The following TFPI variants were observed in gnomAD, a reference collection of about 807,000 sequenced individuals.
The protein encoded by TFPI is anti-convertin.
TFPI carries 15 observed loss-of-function variants against 34.6 expected under a neutral mutation model. The observed-to-expected ratio is 0.43, with a 90% confidence interval of 0.29 to 0.67. The LOEUF (loss-of-function observed/expected upper bound fraction) is 0.67, where lower values mean the gene tolerates loss of function less well. TFPI is among the 30% of genes least tolerant of loss of function. TFPI has a pLI of 0.15. For synonymous variants in TFPI, 105 were observed against 120.1 expected, an observed-to-expected ratio of 0.87 and a Z score of 0.82; for missense variants, 301 against 364.0, an observed-to-expected ratio of 0.83 and a Z score of 1.41.
intron 1 of TFPI, among the ~76,000 whole-genome samples, chr2:187,506,371 A>G (rs966510014): frequency 1.3e-5 from 2 of 152,138 alleles, no homozygotes; most frequent in African/African-American, 4.8e-5. Context: ...AATAGAGAAG[A>G]ATGTACAGAG....
intron 1 of TFPI, 110 bp downstream of exon 1, chr2:187,554,090 A>C (rs1689188173): frequency 6.6e-6 from 1 of 152,224 alleles, no homozygotes. Flanking sequence ...GCAAATAAAC[A>C]GTGATCCTCC....
rs1259402612 is a variant in TFPI at position 187,524,521 on chromosome 2, C to T, written c.-2-20751G>A. On this transcript the variant is annotated intron_variant, in intron 1 of 7. Coordinates refer to ENST00000233156, the MANE Select transcript of TFPI (RefSeq NM_006287.6). ...GGATTCACAACTCTGTGTTCAATAC[C>T]CCAAACAATGACTGATACAAGTAAT... is the stretch of plus-strand genomic sequence containing the variant. 6.6e-5 allele frequency among the ~76,000 whole-genome samples: 10 copies of T among 151,914 alleles called. No individual in the cohort carries two copies. The East Asian group carries it at 1.7e-3, about 26-fold the overall frequency.
chr2:187,464,600 T>G lies in TFPI; in HGVS notation c.*2336A>C, dbSNP rs1691631752. 1 of 152,178 alleles carries G rather than the reference T, an allele frequency of 6.6e-6. No individual in the cohort carries two copies. Among genetic ancestry groups the G allele is most frequent in the African/African-American group, 2.4e-5 (1 of 41,452 alleles). The allele number at this position is 152,178 out of a possible 1,614,324, so 9.4% of individuals were successfully genotyped here. On this transcript the variant is annotated 3_prime_UTR_variant, in exon 8 of 8. Transcript: ENST00000233156. ...CAATGCGCTATTTATACAATCTTAG[T>G]GACTATTTACCACTTCACCTAAGTA...
At chr2:187,539,771 G>C (rs915493045) in intron 1 of TFPI, among the ~76,000 whole-genome samples, 3 of 152,030 alleles carry the variant, frequency 2.0e-5, no homozygotes, top group Non-Finnish European at 4.4e-5. Context: ...AGGAGAGGAG[G>C]GATTGTTAAT....
At chr2:187,475,476 G>A (rs1394119138) in intron 6 of TFPI, among the ~76,000 whole-genome samples, 4 of 151,970 alleles carry the variant, frequency 2.6e-5, no homozygotes, top group African/African-American at 4.8e-5. Flanking sequence ...TATAAACCTC[G>A]GATGAAAATA....
chr2:187,548,662 G>T (rs980236006), intron 1 of TFPI, among the ~76,000 whole-genome samples: 1 of 152,034 alleles, frequency 6.6e-6, no homozygotes, highest in Non-Finnish European at 1.5e-5. Context: ...TGGTGGTGGG[G>T]AGAGTAATAT....
At chr2:187,482,379 T>C (rs1195401061) in intron 6 of TFPI, among the ~76,000 whole-genome samples, 2 of 151,958 alleles carry the variant, frequency 1.3e-5, no homozygotes, top group African/African-American at 2.4e-5. Context: ...GAGTGAAAAA[T>C]ACAAAGCTGG....
chr2:187,489,063 C>A (rs1268822184), intron 3 of TFPI, among the ~76,000 whole-genome samples: 1 of 151,330 alleles, frequency 6.6e-6, no homozygotes, highest in African/African-American at 2.4e-5. Flanking sequence ...AATTTGCTCG[C>A]ATAGACATTA....
At chr2:187,476,972 GAA>G (rs1367627828) in intron 6 of TFPI, among the ~76,000 whole-genome samples, 1 of 152,086 alleles carries the variant, frequency 6.6e-6, no homozygotes, top group Non-Finnish European at 1.5e-5. Flanking sequence ...CATACAAAAT[GAA>G]AGTTATTTTA....
At chr2:187,544,974 T>C (rs1485738668) in intron 1 of TFPI, among the ~76,000 whole-genome samples, 1 of 151,794 alleles carries the variant, frequency 6.6e-6, no homozygotes, top group Non-Finnish European at 1.5e-5. Flanking sequence ...AATAAGCCGG[T>C]TGTGGTGTGC....
chr2:187,474,558 G>A (rs1692249940), intron 6 of TFPI, among the ~76,000 whole-genome samples: 1 of 152,086 alleles, frequency 6.6e-6, no homozygotes, highest in South Asian at 2.1e-4. Context: ...AATACATGAA[G>A]CAAACTCAAC....
At chr2:187,517,594 G>C (rs1225917880) in intron 1 of TFPI, 2 of 152,198 alleles carry the variant, frequency 1.3e-5, no homozygotes, top group Non-Finnish European at 2.9e-5. Flanking sequence ...GTGTGATGTG[G>C]TGCTGAGAAG....
chr2:187,505,388 AT>A (rs1686139392), intron 1 of TFPI, among the ~76,000 whole-genome samples: 1 of 152,108 alleles, frequency 6.6e-6, no homozygotes, highest in South Asian at 2.1e-4. Flanking sequence ...GCTCTGACAA[AT>A]TTGGATCATC....
chr2:187,544,260 A>G (rs1009435122), intron 1 of TFPI, among the ~76,000 whole-genome samples: 4 of 152,342 alleles, frequency 2.6e-5, no homozygotes, highest in Admixed American at 2.6e-4. Flanking sequence ...CTTATCATTA[A>G]AACTGACCTG....
chr2:187,487,669 TAACA>T (rs1693378884), intron 4 of TFPI, among the ~76,000 whole-genome samples: 1 of 151,160 alleles, frequency 6.6e-6, no homozygotes, highest in African/African-American at 2.4e-5. Flanking sequence ...GATCCATTGA[TAACA>T]TTTTTTCTTG....
At position 187,476,251 on chromosome 2, in the gene TFPI, AC is replaced by A. The variant is rs529422542; in HGVS notation, c.628+7872del. On this transcript the variant is annotated intron_variant, in intron 6 of 7. Coordinates refer to ENST00000233156, the MANE Select transcript of TFPI (RefSeq NM_006287.6). ...GTATTAGATATAATCAAAACTGGAA[AC>A]CCCACTTTTGATTAGATATAATCAA... is the stretch of plus-strand genomic sequence containing the variant. 7.8e-4 allele frequency among the ~76,000 whole-genome samples: 118 copies of A among 152,070 alleles called. 1 individual carries two copies. Among genetic ancestry groups the A allele is most frequent in the African/African-American group, 2.8e-3 (114 of 41,380 alleles).
chr2:187,498,044 C>T lies in TFPI; in HGVS notation c.122-966G>A, dbSNP rs868359522. 2.2e-4 allele frequency among the ~76,000 whole-genome samples: 33 copies of T among 151,268 alleles called. No individual in the cohort carries two copies. The East Asian group carries it at 5.0e-3, about 23-fold the overall frequency. ...GGGAATATTGAAACCTATAAATGAC[C>T]GAAACCAATTTTGCCTCTAGAGGGC... is the stretch of plus-strand genomic sequence containing the variant. On this transcript the variant is annotated intron_variant, in intron 2 of 7. Transcript: ENST00000233156.
chr2:187,520,296 C>T (rs566797290), intron 1 of TFPI, among the ~76,000 whole-genome samples: 9 of 152,196 alleles, frequency 5.9e-5, no homozygotes, highest in East Asian at 1.9e-4. Context: ...AGGAAATCTC[C>T]GGGTCTGTGG....
chr2:187,501,795 T>C (rs1271405146), intron 2 of TFPI, among the ~76,000 whole-genome samples: 3 of 152,130 alleles, frequency 2.0e-5, no homozygotes, highest in Non-Finnish European at 4.4e-5. Flanking sequence ...AATGGAATTG[T>C]TTTAAAAAGC....
Sources: allele counts gnomAD v4.1 joint callset (sites outside exome capture counted in the v4.1 genomes callset), GRCh38; gene constraint gnomAD v4.1.1; transcripts MANE v1.5; gene names NCBI Gene and HGNC (gene_info 2026-07-23, HGNC 2026-07-21).